Variants in ERAP2 observed in about 807,000 individuals in gnomAD.
The protein encoded by ERAP2 is leukocyte-derived arginine aminopeptidase.
ERAP2 carries 118 observed loss-of-function variants against 111.1 expected under a neutral mutation model. The ratio of observed to expected loss-of-function variants is 1.06; its 90% CI spans 0.92 to 1.24. ERAP2 has a LOEUF of 1.24. Among genes scored for constraint, ERAP2 ranks in the 50% most tolerant of loss-of-function variants. The probability of loss-of-function intolerance (pLI) is 0.00; values close to 1 mark genes in which losing one functional copy is unlikely to be tolerated. For synonymous variants in ERAP2, 410 were observed against 401.2 expected, an observed-to-expected ratio of 1.02 and a Z score of -0.26; for missense variants, 1,131 against 1,125.8, an observed-to-expected ratio of 1.00 and a Z score of -0.07.
In ERAP2 at chr5:96,896,864, G is replaced by GGCTATATATTGTCAGTCAACCATA. The variant is rs1784911532; in HGVS notation, c.1503+1_1503+2insGCTATATATTGTCAGTCAACCATA. ...TGACTTGTGGAGCAGTCTGTCAAAT[G>GGCTATATATTGTCAGTCAACCATA]TAAGTCATATGTTGGGTAACGATAG... On this transcript the variant is annotated splice_donor_variant, in intron 9 of 18. Transcript: ENST00000437043. LOFTEE classifies it high-confidence loss of function. The GGCTATATATTGTCAGTCAACCATA allele has an allele frequency of 1.0e-6, 1 of 973,922 alleles. No individual in the cohort carries two copies. The highest frequency in any genetic ancestry group is 4.2e-5 in the Admixed American group (1 of 23,730). The allele number at this position is 973,922 out of a possible 1,614,324, so 60.3% of individuals were successfully genotyped here.
Position 96,901,527 on chromosome 5 carries a change from G to A in ERAP2, c.1594G>A (p.Ala532Thr). Residue 532 changes from alanine to threonine, a missense_variant, in exon 11 of 19, where the codon GCA becomes ACA. By Grantham distance (58) the Ala-to-Thr change is moderately conservative. This residue lies in a region of ERAP2 where 847 missense variants were observed against 856.5 expected (regional missense o/e 0.99). Coordinates refer to ENST00000437043, the MANE Select transcript of ERAP2 (RefSeq NM_022350.5). Reference sequence around the variant, plus strand: ...TCAGCTCGCCTTTCTGGGGGAAAATGCAGAGGTCAAAGAGATGATGACTAC... The same window carrying A: ...TCAGCTCGCCTTTCTGGGGGAAAATACAGAGGTCAAAGAGATGATGACTAC... The part of the protein sequence containing the change: ...SNMLAFLGEN[A>T]EVKEMMTTWT... The A allele has an allele frequency of 6.2e-7, 1 of 1,613,736 alleles. No individual in the cohort carries two copies.
At chr5:96,911,697 G>A (rs77449659) in intron 15 of ERAP2, among the ~76,000 whole-genome samples, 1 of 151,392 alleles carries the variant, frequency 6.6e-6, no homozygotes, top group African/African-American at 2.4e-5. Context: ...CATAGTGAGA[G>A]CCCATCTCTA....
chr5:96,878,965 C>T (rs1332180703), intron 1 of ERAP2, among the ~76,000 whole-genome samples: 1 of 152,074 alleles, frequency 6.6e-6, no homozygotes, highest in Non-Finnish European at 1.5e-5. Flanking sequence ...GTAGGCTGGT[C>T]ACAGTGGCTC....
chr5:96,887,833 A>G (rs977484679), intron 4 of ERAP2, among the ~76,000 whole-genome samples: 2 of 152,234 alleles, frequency 1.3e-5, no homozygotes, highest in Non-Finnish European at 2.9e-5. Flanking sequence ...TGCTTTTGAA[A>G]AATGGGCATA....
At chr5:96,917,221 C>T (rs11738021) in intron 18 of ERAP2, among the ~76,000 whole-genome samples, 1 of 139,812 alleles carries the variant, frequency 7.2e-6, no homozygotes, top group Non-Finnish European at 1.6e-5. Flanking sequence ...ATCCTCCCGC[C>T]TCAGCCTTCC....
chr5:96,884,744 A>G (rs1396648375), intron 3 of ERAP2, among the ~76,000 whole-genome samples: 1 of 151,632 alleles, frequency 6.6e-6, no homozygotes, highest in Admixed American at 6.6e-5. Context: ...TATTTTCAGT[A>G]GAGACGGGGT....
rs974825504 is a variant in ERAP2, at chr5:96,919,439, G to A, written c.*1834G>A. On this transcript the variant is annotated 3_prime_UTR_variant, in exon 19 of 19. Transcript: ENST00000437043. ...GAAATTGAAAAAGTAAAACATACTG[G>A]TTTTTTTCAACAAGACCATATGTAA... 1.3e-5 allele frequency: 2 copies of A among 152,076 alleles called. No homozygotes were observed. Among genetic ancestry groups the A allele is most frequent in the African/African-American group, 4.8e-5 (2 of 41,360 alleles). The allele number at this position is 152,076 out of a possible 1,614,324, so 9.4% of individuals were successfully genotyped here. A position where few individuals can be genotyped will look rare whatever the true frequency, so the allele number is the denominator to read the frequency against.
chr5:96,895,413 A>G, intron 7 of ERAP2, 54 bp downstream of exon 7: 4 of 1,230,792 alleles, frequency 3.2e-6, no homozygotes, highest in South Asian at 2.6e-5. Flanking sequence ...TCATCAATTC[A>G]CTATTAAAAT....
chr5:96,896,598 C>A lies in ERAP2; in HGVS notation c.1371+94C>A. 2.7e-6 allele frequency: 4 copies of A among 1,474,522 alleles called. No homozygotes were observed. In the South Asian group the frequency reaches 3.9e-5, roughly 14 times the overall value. 91.3% of individuals were successfully genotyped at this position (1,474,522 alleles called of 1,614,324 possible). The stretch of plus-strand genomic sequence containing the variant: ...TTTAAGTCACTGGTGCCAGTTCCTG[C>A]TACTTGTTTCACTTTTTATTTGTTC... On this transcript the variant is annotated intron_variant, in intron 8 of 18. Transcript: ENST00000437043.
At chr5:96,915,375 A>G (rs1307157921) in intron 17 of ERAP2, among the ~76,000 whole-genome samples, 1 of 152,216 alleles carries the variant, frequency 6.6e-6, no homozygotes, top group African/African-American at 2.4e-5. Flanking sequence ...TACTGACTGG[A>G]GTATGTAGTA....
At chr5:96,914,323 T>C (rs918495189) in intron 17 of ERAP2, among the ~76,000 whole-genome samples, 10 of 152,352 alleles carry the variant, frequency 6.6e-5, no homozygotes, top group Non-Finnish European at 1.5e-4. Context: ...TCCTAGTTCC[T>C]TCTCTTTCAT....
At chr5:96,897,323 A>G (rs1443761539) in intron 9 of ERAP2, among the ~76,000 whole-genome samples, 2 of 152,190 alleles carry the variant, frequency 1.3e-5, no homozygotes, top group African/African-American at 4.8e-5. Context: ...ACTAGCTGAA[A>G]TGCCCTTTCT....
chr5:96,877,690 C>T (rs1390516819), intron 1 of ERAP2, among the ~76,000 whole-genome samples: 3 of 152,114 alleles, frequency 2.0e-5, no homozygotes, highest in Admixed American at 6.5e-5. Context: ...AATCTGGGCA[C>T]TCTGATTCCA....
Position 96,912,790 on chromosome 5 carries a change from G to C in ERAP2, c.2508G>C (p.Lys836Asn). The C allele has an allele frequency of 1.9e-6, 3 of 1,595,220 alleles. No homozygotes were observed. Among genetic ancestry groups the C allele is most frequent in the Non-Finnish European group, 2.6e-6 (3 of 1,174,724 alleles). The change falls in exon 16 of 19, where the codon AAG becomes AAC. Residue 836 changes from lysine (K) to asparagine (N), a missense_variant. Transcript: ENST00000437043. ...YALSTSKHQE[K>N]LLKLIELGME... ...TGTCAACGAGCAAGCATCAGGAAAA[G>C]TTACTGAAGTAAGTTCAATAATTTA...
At chr5:96,889,424 A>G (rs776610393) in intron 5 of ERAP2, 119 bp downstream of exon 5, 18 of 1,162,152 alleles carry the variant, frequency 1.5e-5, no homozygotes, top group Non-Finnish European at 1.9e-5. Flanking sequence ...TTAGCTCAGG[A>G]AAAAATAATT....
intron 1 of ERAP2, among the ~76,000 whole-genome samples, chr5:96,878,960 C>G (rs534317544): frequency 3.3e-5 from 5 of 152,166 alleles, no homozygotes; most frequent in Admixed American, 2.0e-4. Context: ...ATAAAGTAGG[C>G]TGGTCACAGT....
At chr5:96,882,898 C>T (rs1581792374) in intron 2 of ERAP2, among the ~76,000 whole-genome samples, 2 of 152,204 alleles carry the variant, frequency 1.3e-5, no homozygotes, top group African/African-American at 4.8e-5. Context: ...CTATTCCCCC[C>T]TCCTTTTCCA....
chr5:96,883,667 A>G (rs1248889988), intron 2 of ERAP2, 125 bp from the exon 3 acceptor site: 7 of 924,028 alleles, frequency 7.6e-6, no homozygotes, highest in Non-Finnish European at 1.1e-5. Flanking sequence ...AGATTCACAA[A>G]GATTGCAGTT....
At chr5:96,916,107 G>A (rs1787345912) in intron 18 of ERAP2, among the ~76,000 whole-genome samples, 1 of 152,090 alleles carries the variant, frequency 6.6e-6, no homozygotes, top group Non-Finnish European at 1.5e-5. Flanking sequence ...TGTAGTCCCA[G>A]CTACTTGGGA....
Sources: gnomAD v4.1 joint callset for allele counts (sites outside exome capture counted in the v4.1 genomes callset) on GRCh38, gnomAD v4.1.1 for gene constraint, gnomAD v4.1.1 regional missense constraint, MANE v1.5 for transcripts, NCBI Gene and HGNC (gene_info 2026-07-23, HGNC 2026-07-21) for gene names.